Variants in TJP1 observed in about 807,000 individuals in gnomAD.
The protein encoded by TJP1 is tight junction protein 1.
Under a neutral mutation model 194.2 loss-of-function variants are expected in TJP1, and 43 were observed. That is an observed-to-expected ratio of 0.22 (90% CI 0.17 to 0.29). TJP1 has a LOEUF of 0.29. Among genes scored for constraint, TJP1 ranks in the 10% least tolerant of loss-of-function variants. TJP1 has a pLI of 1.00. For synonymous variants in TJP1, 801 were observed against 779.0 expected (o/e 1.03, Z -0.47); for missense variants, 1,971 against 2,185.7 (o/e 0.90, Z 1.96).
At chr15:29,821,954 C>G in intron 1 of TJP1, 48 bp downstream of exon 1, 1 of 1,218,054 alleles carries the variant, frequency 8.2e-7, no homozygotes, top group Non-Finnish European at 1.0e-6. Context: ...GGTGGGCGGG[C>G]GGCGACGGTC....
chr15:29,720,505 A>G lies in TJP1; in HGVS notation c.2616T>C (p.Ser872=), dbSNP rs1335903857. The change falls in exon 19 of 28, where the codon TCT becomes TCC. Residue 872 remains serine (S), a synonymous_variant. Coordinates refer to ENST00000614355, the MANE Select transcript of TJP1 (RefSeq NM_001330239.4). Reference sequence around the variant, plus strand: ...CAGGCTCAGAGGACCGTGTAATGGCAGACTCCGGTGGAGTCCCAACCTCAT... The same window carrying G: ...CAGGCTCAGAGGACCGTGTAATGGCGGACTCCGGTGGAGTCCCAACCTCAT... ...LNDEVGTPPE[S]AITRSSEPVR... is the part of the protein sequence containing the mutation. 6.2e-7 allele frequency: 1 copy of G among 1,614,134 alleles called. No homozygotes were observed. Among genetic ancestry groups the G allele is most frequent in the Non-Finnish European group, 8.5e-7 (1 of 1,180,022 alleles).
rs1462865753 is a variant in TJP1, at chr15:29,830,770, C to G, written c.307-30068G>C. ...AATAGCAAGGAGTACTCCTAATGTC[C>G]GTATTGTAATCTCCAACTAGGAACA... On this transcript the variant is annotated intron_variant, in intron 2 of 28. Transcript: ENST00000356107. Among the ~76,000 whole-genome samples, 5 of 151,672 alleles carry G rather than the reference C, an allele frequency of 3.3e-5. No homozygotes were observed. The East Asian group carries it at 9.7e-4, about 29-fold the overall frequency.
chr15:29,710,680 T>C (rs2042185802), intron 24 of TJP1, 151 bp downstream of exon 24: 2 of 921,188 alleles, frequency 2.2e-6, no homozygotes, highest in South Asian at 1.7e-5. Context: ...ACAGGAGACA[T>C]ACTTTTAACA....
chr15:29,839,213 T>C (rs560940809), intron 2 of TJP1, among the ~76,000 whole-genome samples: 1 of 152,020 alleles, frequency 6.6e-6, no homozygotes, highest in African/African-American at 2.4e-5. Flanking sequence ...TTAGCCAGGA[T>C]GGTCTTGATT....
At chr15:29,949,736 A>T (rs1488927755) in intron 2 of TJP1, among the ~76,000 whole-genome samples, 1 of 80,988 alleles carries the variant, frequency 1.2e-5, no homozygotes, top group African/African-American at 4.2e-5. Context: ...CATCACCTCC[A>T]CCACCACCAC....
intron 8 of TJP1, chr15:29,760,173 A>G (rs2045909444): frequency 1.4e-6 from 1 of 700,730 alleles, no homozygotes; most frequent in South Asian, 1.5e-5. Flanking sequence ...GCAGTTAACC[A>G]TGGGTCAGGT....
intron 2 of TJP1, among the ~76,000 whole-genome samples, chr15:29,945,711 A>G (rs2055253197): frequency 1.3e-5 from 2 of 152,124 alleles, no homozygotes. Flanking sequence ...AAAGGGAGGA[A>G]AGCTAGAAAG....
chr15:29,747,162 G>A (rs1365317516), intron 8 of TJP1, among the ~76,000 whole-genome samples: 1 of 152,156 alleles, frequency 6.6e-6, no homozygotes, highest in East Asian at 1.9e-4. Context: ...GCACGCACCT[G>A]TAATCCCAGA....
chr15:29,920,194 A>C (rs2054312454), intron 2 of TJP1, among the ~76,000 whole-genome samples: 1 of 152,244 alleles, frequency 6.6e-6, no homozygotes, highest in Admixed American at 6.5e-5. Context: ...TTCAGAGACC[A>C]GTGCTAGGTC....
At chr15:29,772,036 T>C in intron 4 of TJP1, 28 bp downstream of exon 4, 1 of 1,437,016 alleles carries the variant, frequency 7.0e-7, no homozygotes, top group Non-Finnish European at 9.6e-7. Flanking sequence ...GGGGTACCTT[T>C]ACTAAATTAC....
chr15:29,712,414 G>C (rs948200231), intron 23 of TJP1, among the ~76,000 whole-genome samples: 5 of 152,176 alleles, frequency 3.3e-5, no homozygotes, highest in South Asian at 2.1e-4. Flanking sequence ...AAGAAATCTA[G>C]GTGATGGCAA....
At chr15:29,719,700 TAA>T in intron 20 of TJP1, 75 bp downstream of exon 20, 1 of 1,550,046 alleles carries the variant, frequency 6.5e-7, no homozygotes, top group Non-Finnish European at 8.7e-7. Context: ...AAGGAACACT[TAA>T]AGGGCAAAGC....
chr15:29,740,839 C>CA (rs997610829), intron 10 of TJP1, among the ~76,000 whole-genome samples: 3 of 151,926 alleles, frequency 2.0e-5, no homozygotes, highest in African/African-American at 7.3e-5. Flanking sequence ...CCCAAGGAAA[C>CA]ATCTGGCAAT....
At chr15:29,815,136 G>C (rs1401566598) in intron 1 of TJP1, among the ~76,000 whole-genome samples, 1 of 152,128 alleles carries the variant, frequency 6.6e-6, no homozygotes, top group Non-Finnish European at 1.5e-5. Context: ...AAGAGGAATG[G>C]AAATAAAGCA....
chr15:29,773,373 C>T lies in TJP1; in HGVS notation c.85-16G>A. 2 of 1,612,170 alleles carry T rather than the reference C, an allele frequency of 1.2e-6. No homozygotes were observed. Among genetic ancestry groups the T allele is most frequent in the South Asian group, 1.1e-5 (1 of 90,904 alleles). On this transcript the variant is annotated splice_polypyrimidine_tract_variant and intron_variant, in intron 2 of 27. Transcript: ENST00000614355. ...ATCCAGGAGCCTAAAGTAAAAATTA[C>T]AGTAAAATATTGCTATTAAGGACAA...
chr15:29,845,618 C>A (rs2051377240), intron 2 of TJP1, among the ~76,000 whole-genome samples: 1 of 152,056 alleles, frequency 6.6e-6, no homozygotes, highest in Non-Finnish European at 1.5e-5. Flanking sequence ...ATCTGGCCAA[C>A]ATGGTGAAAC....
intron 1 of TJP1, among the ~76,000 whole-genome samples, chr15:29,963,810 C>T (rs554650041): frequency 1.3e-5 from 2 of 152,046 alleles, no homozygotes; most frequent in Admixed American, 6.6e-5. Flanking sequence ...CGCGCCATCA[C>T]GCCCAGCTAA....
At chr15:29,825,084 A>G (rs2050637556), upstream of TJP1, among the ~76,000 whole-genome samples, 1 of 152,174 alleles carries the variant, frequency 6.6e-6, no homozygotes, top group East Asian at 1.9e-4. Flanking sequence ...TATCATCTGT[A>G]AAATAAAGGT....
At chr15:29,808,830 A>G (rs998684582) in intron 1 of TJP1, among the ~76,000 whole-genome samples, 1 of 152,218 alleles carries the variant, frequency 6.6e-6, no homozygotes, top group African/African-American at 2.4e-5. Context: ...GGATCTACAC[A>G]CTGATCATCA....
Sources: gnomAD v4.1 joint callset for allele counts (sites outside exome capture counted in the v4.1 genomes callset) on GRCh38, gnomAD v4.1.1 for gene constraint, MANE v1.5 for transcripts, NCBI Gene and HGNC (gene_info 2026-07-23, HGNC 2026-07-21) for gene names.